Variants in GAPVD1 observed in about 807,000 individuals in gnomAD.
The protein encoded by GAPVD1 is GTPase activating protein and VPS9 domains 1, also known as GTPase-activating protein and VPS9 domain-containing protein 1.
In GAPVD1, 35 loss-of-function variants were observed where a neutral mutation model predicts 155.5. The ratio of observed to expected loss-of-function variants is 0.23; its 90% CI spans 0.17 to 0.30. GAPVD1 has a LOEUF of 0.30. Ranked by LOEUF, GAPVD1 falls within the 10% of genes least tolerant of loss-of-function variation. The pLI is 1.00. For synonymous variants in GAPVD1, 636 were observed against 619.7 expected (o/e 1.03, Z -0.39); for missense variants, 1,429 against 1,775.7 (o/e 0.80, Z 3.51).
rs1375191460 is a variant in GAPVD1 at position 125,302,230 on chromosome 9, G to C, written c.433G>C (p.Asp145His). The stretch of plus-strand genomic sequence containing the variant: ...GTATGGCAATTGCATCATGCAAGAA[G>C]ATGAAAGCTACCTCCTTCAGGTTTT... ...SLYGNCIMQEDESYLLQVLRY... is the reference protein window; with the variant it reads ...SLYGNCIMQEHESYLLQVLRY... The change falls in exon 5 of 28, where the codon GAT becomes CAT. Residue 145 changes from aspartate to histidine, a missense_variant. Physicochemically the swap from Asp to His is moderately conservative, Grantham distance 81. Transcript: ENST00000297933. 2.5e-6 allele frequency: 4 copies of C among 1,614,048 alleles called. No individual in the cohort carries two copies. The South Asian group carries it at 4.4e-5, about 18-fold the overall frequency.
chr9:125,354,163 G>A (rs562341855), intron 23 of GAPVD1, among the ~76,000 whole-genome samples: 1 of 152,180 alleles, frequency 6.6e-6, no homozygotes, highest in South Asian at 2.1e-4. Flanking sequence ...CTTAGGTAGT[G>A]AGGAGGCTTC....
intron 2 of GAPVD1, among the ~76,000 whole-genome samples, chr9:125,294,481 G>T (rs754835359): frequency 1.1e-4 from 16 of 151,320 alleles, no homozygotes; most frequent in Non-Finnish European, 1.9e-4. Context: ...TGAGTAGCTG[G>T]GACTACAGGC....
At chr9:125,287,512 A>G (rs1334565359) in intron 2 of GAPVD1, among the ~76,000 whole-genome samples, 1 of 152,226 alleles carries the variant, frequency 6.6e-6, no homozygotes, top group Non-Finnish European at 1.5e-5. Flanking sequence ...TGTCTCAAAA[A>G]TAAAAAATAA....
At chr9:125,328,108 G>C (rs1052702857) in intron 12 of GAPVD1, among the ~76,000 whole-genome samples, 2 of 149,662 alleles carry the variant, frequency 1.3e-5, no homozygotes, top group Non-Finnish European at 1.5e-5. Context: ...GAAGCCTTTT[G>C]AACTTCAGTG....
chr9:125,333,081 T>TA (rs1846314748), intron 15 of GAPVD1, among the ~76,000 whole-genome samples: 1 of 145,982 alleles, frequency 6.9e-6, no homozygotes, highest in Admixed American at 6.8e-5. Flanking sequence ...AAAACTTCTG[T>TA]TTTTTTTTTG....
chr9:125,354,829 G>A lies in GAPVD1; in HGVS notation c.3745G>A (p.Glu1249Lys), dbSNP rs888768548. The A allele has an allele frequency of 6.8e-6, 11 of 1,611,552 alleles. No individual in the cohort carries two copies. In the East Asian group the frequency reaches 2.0e-4, roughly 29 times the overall value. Residue 1249 changes from glutamate to lysine, a missense_variant, in exon 24 of 28, where the codon GAA becomes AAA. This residue lies in a region of GAPVD1 where 699 missense variants were observed against 826.0 expected (regional missense o/e 0.85). Transcript: ENST00000297933. ...LLESKEKKIR[E>K]FIQDFQKLTA... The stretch of plus-strand genomic sequence containing the variant: ...TGAGAGCAAAGAAAAGAAGATCAGG[G>A]AATTCATTCAAGGTAACTCAATACC...
intron 17 of GAPVD1, 84 bp from the exon 18 acceptor site, chr9:125,341,093 A>G (rs900674555): frequency 1.3e-5 from 11 of 816,232 alleles, no homozygotes; most frequent in Non-Finnish European, 2.0e-5. Flanking sequence ...TCAAAACAAA[A>G]CAAAAACAAA....
In GAPVD1 at chr9:125,307,452, C is replaced by G; in HGVS notation, c.1156C>G (p.Arg386Gly). ...AAFLDVVIGG[R>G]AVETPPLSSV... ...TTTCCTTGATGTTGTGATTGGGGGC[C>G]GTGCAGTGGAGACCCCTCCATTGTC... Residue 386 changes from arginine to glycine, a missense_variant, in exon 7 of 28, where the codon CGT becomes GGT. Around this residue, in one of 4 missense-constraint regions of GAPVD1, gnomAD observed 628 missense variants for 733.4 expected, o/e 0.86. Transcript: ENST00000297933. The G allele has an allele frequency of 6.2e-7, 1 of 1,610,122 alleles. No homozygotes were observed. Among genetic ancestry groups the G allele is most frequent in the East Asian group, 2.2e-5 (1 of 44,852 alleles).
chr9:125,319,623 A>G (rs1588920030), intron 9 of GAPVD1, among the ~76,000 whole-genome samples: 3 of 139,088 alleles, frequency 2.2e-5, no homozygotes, highest in East Asian at 2.1e-4. Context: ...TTTTTTTGAG[A>G]TGCAGTCTTG....
At chr9:125,320,702 T>C (rs761979461) in intron 9 of GAPVD1, among the ~76,000 whole-genome samples, 1 of 152,148 alleles carries the variant, frequency 6.6e-6, no homozygotes, top group Non-Finnish European at 1.5e-5. Context: ...CTCGGCTCAC[T>C]GCAAGCTCCG....
At chr9:125,351,396 A>G (rs1167769086) in intron 23 of GAPVD1, among the ~76,000 whole-genome samples, 4 of 152,108 alleles carry the variant, frequency 2.6e-5, no homozygotes, top group Non-Finnish European at 5.9e-5. Flanking sequence ...TTCAAAACCA[A>G]TCATGCCTTC....
rs559468080 is a variant in GAPVD1 at position 125,323,621 on chromosome 9, G to A, written c.1733-177G>A. On this transcript the variant is annotated intron_variant, in intron 10 of 27. Coordinates refer to ENST00000297933, the MANE Select transcript of GAPVD1 (RefSeq NM_001282680.3). ...CACCCAGCAGATTAATTTGTTATTA[G>A]CACCTTAGGATAAATTCCTAGAAGC... 2.0e-5 allele frequency among the ~76,000 whole-genome samples: 3 copies of A among 152,078 alleles called. No homozygotes were observed. In the South Asian group the frequency reaches 6.2e-4, roughly 32 times the overall value.
chr9:125,293,844 AATATATTTTATATAT>A (rs1564310496), intron 2 of GAPVD1, among the ~76,000 whole-genome samples: 6 of 69,146 alleles, frequency 8.7e-5, no homozygotes, highest in Admixed American at 2.2e-4. Flanking sequence ...TATATATAAA[AATATATTTTATATAT>A]ATATATATAT....
At chr9:125,347,980 T>C (rs1363620782) in intron 20 of GAPVD1, among the ~76,000 whole-genome samples, 3 of 152,198 alleles carry the variant, frequency 2.0e-5, no homozygotes, top group Admixed American at 2.0e-4. Flanking sequence ...TCTAGACTTA[T>C]CAATTCTTGA....
Position 125,305,144 on chromosome 9 carries a change from G to A in GAPVD1, c.1111G>A (p.Asp371Asn). 2 of 1,600,568 alleles carry A rather than the reference G, an allele frequency of 1.2e-6. No homozygotes were observed. The highest frequency in any genetic ancestry group is 1.7e-6 in the Non-Finnish European group (2 of 1,167,864). The part of the protein sequence containing the change: ...PRTKSSLGKF[D>N]KSCVAAFLDV... Reference sequence around the variant, plus strand: ...AACAAAGAGCAGCCTTGGAAAGTTTGACAAAGTAAGAATAAATATGATTTA... The same window carrying A: ...AACAAAGAGCAGCCTTGGAAAGTTTAACAAAGTAAGAATAAATATGATTTA... The change falls in exon 6 of 28, where the codon GAC becomes AAC. Residue 371 changes from aspartate (D) to asparagine (N), a missense_variant. Transcript: ENST00000297933.
At chr9:125,312,761 T>C (rs1842838084) in intron 9 of GAPVD1, 149 bp downstream of exon 9, 4 of 557,812 alleles carry the variant, frequency 7.2e-6, no homozygotes, top group Non-Finnish European at 1.2e-5. Context: ...TCAAGGCAGA[T>C]TCAGTGTCTT....
chr9:125,293,398 T>C (rs1838909491), intron 2 of GAPVD1, among the ~76,000 whole-genome samples: 1 of 151,384 alleles, frequency 6.6e-6, no homozygotes, highest in African/African-American at 2.4e-5. Flanking sequence ...GTATTGTCAG[T>C]GCCTGGCACA....
intron 25 of GAPVD1, 24 bp from the exon 26 acceptor site, chr9:125,359,396 A>G: frequency 2.2e-6 from 3 of 1,333,976 alleles, no homozygotes; most frequent in Non-Finnish European, 3.2e-6. Context: ...GAATGTTTAC[A>G]TGTGTATTTT....
chr9:125,319,381 T>A (rs1417702567), intron 9 of GAPVD1, among the ~76,000 whole-genome samples: 1 of 147,514 alleles, frequency 6.8e-6, no homozygotes, highest in African/African-American at 2.5e-5. Context: ...TTAAAAAAAT[T>A]TTTTTTAATA....
Sources: gnomAD v4.1 joint callset for allele counts (sites outside exome capture counted in the v4.1 genomes callset) on GRCh38, gnomAD v4.1.1 for gene constraint, gnomAD v4.1.1 regional missense constraint, MANE v1.5 for transcripts, NCBI Gene and HGNC (gene_info 2026-07-23, HGNC 2026-07-21) for gene names.